Variants in OTULIN observed in about 807,000 individuals in gnomAD.
OTULIN encodes ubiquitin thioesterase otulin.
Under a neutral mutation model 39.6 loss-of-function variants are expected in OTULIN, and 15 were observed. The ratio of observed to expected loss-of-function variants is 0.38; its 90% CI spans 0.25 to 0.58. The LOEUF is 0.58. Ranked by LOEUF, OTULIN falls within the 20% of genes least tolerant of loss-of-function variation. The pLI, the probability that OTULIN is intolerant of heterozygous loss-of-function variation, is 0.66. For missense variants in OTULIN, 319 were observed against 445.9 expected, an observed-to-expected ratio of 0.72 and a Z score of 2.56; for synonymous variants, 156 against 170.3, an observed-to-expected ratio of 0.92 and a Z score of 0.65.
chr5:14,690,396 T>C lies in OTULIN; in HGVS notation c.864+88T>C. The stretch of plus-strand genomic sequence containing the variant: ...TGTCACAGTTTTTGTAGGTCAGAAA[T>C]TCAGGGACAGCTTAGTTGGATGGTT... On this transcript the variant is annotated intron_variant, in intron 6 of 6. Coordinates refer to ENST00000284274, the MANE Select transcript of OTULIN (RefSeq NM_138348.6). This position sits in a 1 kb window ranked among gnomAD's most constrained non-coding sequence, Gnocchi z 4.5. 2.7e-6 allele frequency: 4 copies of C among 1,482,370 alleles called. No individual in the cohort carries two copies. The South Asian group carries it at 4.1e-5, about 15-fold the overall frequency. 91.8% of individuals were successfully genotyped at this position (1,482,370 alleles called of 1,614,324 possible).
At chr5:14,665,102 T>G in intron 1 of OTULIN, 125 bp downstream of exon 1, 1 of 795,522 alleles carries the variant, frequency 1.3e-6, no homozygotes, top group Non-Finnish European at 1.5e-6. Flanking sequence ...GTGAGGCCGT[T>G]GGCGACAAGG....
chr5:14,664,950 G>T lies in OTULIN; in HGVS notation c.125G>T (p.Arg42Leu). ...AAGGCGGCGGCCAGCGGGCAGCCGC[G>T]GCCCGAGATGCAGTGCCCGGCCGAG... ...GGKAAASGQP[R>L]PEMQCPAEHE... The change falls in exon 1 of 7, where the codon CGG becomes CTG. Residue 42 changes from arginine (R) to leucine (L), a missense_variant. Coordinates refer to ENST00000284274, the MANE Select transcript of OTULIN (RefSeq NM_138348.6). 1 of 1,115,482 alleles carries T rather than the reference G, an allele frequency of 9.0e-7. No homozygotes were observed. Among genetic ancestry groups the T allele is most frequent in the African/African-American group, 1.6e-5 (1 of 60,778 alleles). The allele number at this position is 1,115,482 out of a possible 1,614,324, so 69.1% of individuals were successfully genotyped here. A position where few individuals can be genotyped will look rare whatever the true frequency, so the allele number is the denominator to read the frequency against.
chr5:14,681,668 T>C lies in OTULIN; in HGVS notation c.468+61T>C, dbSNP rs1047329342. Reference sequence around the variant, plus strand: ...TCAAACAATTTTTGTGAGAAAACTTTCCCTTTCTGTCCATGCTACCTTCTA... The same window carrying C: ...TCAAACAATTTTTGTGAGAAAACTTCCCCTTTCTGTCCATGCTACCTTCTA... On this transcript the variant is annotated intron_variant, in intron 4 of 6. Transcript: ENST00000284274. The C allele has an allele frequency of 3.3e-6, 5 of 1,525,614 alleles. No homozygotes were observed. In the African/African-American group the frequency reaches 4.1e-5, roughly 13 times the overall value. 94.5% of individuals were successfully genotyped at this position (1,525,614 alleles called of 1,614,324 possible). A position where few individuals can be genotyped will look rare whatever the true frequency, so the allele number is the denominator to read the frequency against.
Position 14,695,645 on chromosome 5 carries a change from C to G in OTULIN, c.*2597C>G, listed in dbSNP as rs1736646371. On this transcript the variant is annotated 3_prime_UTR_variant, in exon 7 of 7. Coordinates refer to ENST00000284274, the MANE Select transcript of OTULIN (RefSeq NM_138348.6). ...TGTATTATGCTTCATGGGATTAACA[C>G]TGCTTTTCCAGAACATTTTCAGATT... The G allele has an allele frequency of 1.3e-5, 2 of 152,200 alleles. No individual in the cohort carries two copies. Among genetic ancestry groups the G allele is most frequent in the Admixed American group, 1.3e-4 (2 of 15,284 alleles). The allele number at this position is 152,200 out of a possible 1,614,324, so 9.4% of individuals were successfully genotyped here. A position where few individuals can be genotyped will look rare whatever the true frequency, so the allele number is the denominator to read the frequency against.
intron 1 of OTULIN, among the ~76,000 whole-genome samples, chr5:14,666,858 T>G (rs1735860545): frequency 6.6e-6 from 1 of 152,206 alleles, no homozygotes; most frequent in Admixed American, 6.5e-5. Flanking sequence ...GGTATTTTCC[T>G]CACGGCCTAG....
chr5:14,689,979 T>C (rs1311772119), intron 5 of OTULIN, 60 bp from the exon 6 acceptor site: 17 of 1,547,096 alleles, frequency 1.1e-5, no homozygotes, highest in Non-Finnish European at 1.4e-5. Context: ...CATAGTATGG[T>C]ACTATACCAG....
In OTULIN at chr5:14,673,596, T is replaced by C. The variant is rs1476080747; in HGVS notation, c.153-46T>C. On this transcript the variant is annotated intron_variant, in intron 1 of 6. Coordinates refer to ENST00000284274, the MANE Select transcript of OTULIN (RefSeq NM_138348.6). ...CAGCTGTATAATAGGACGGAAAATG[T>C]CAGTGCAACAAGTGTTTGAAAATGT... is the stretch of plus-strand genomic sequence containing the variant. 3 of 1,567,904 alleles carry C rather than the reference T, an allele frequency of 1.9e-6. No homozygotes were observed. The South Asian group carries it at 3.4e-5, about 18-fold the overall frequency.
the OTULIN span, chr5:14,711,404 A>G: frequency 2.8e-6 from 3 of 1,082,764 alleles, no homozygotes; most frequent in East Asian, 2.4e-5. Context: ...GTCTTGGGGG[A>G]CCCCTCACTG....
chr5:14,712,871 C>T, the OTULIN span: 1 of 1,605,666 alleles, frequency 6.2e-7, no homozygotes, highest in Non-Finnish European at 8.5e-7. Context: ...GCGGCTGTCT[C>T]ACCTGCTTCC....
At chr5:14,692,805 G>A (rs1736564702) in intron 6 of OTULIN, 49 bp from the exon 7 acceptor site, 6 of 1,567,546 alleles carry the variant, frequency 3.8e-6, no homozygotes, top group African/African-American at 1.3e-5. Flanking sequence ...GTTAAGCCAC[G>A]TTTTTCAGTG....
At chr5:14,675,264 G>C (rs891370368) in intron 2 of OTULIN, among the ~76,000 whole-genome samples, 4 of 152,196 alleles carry the variant, frequency 2.6e-5, no homozygotes, top group African/African-American at 9.7e-5. Context: ...GAAGACCCTT[G>C]TCTGTGCTCT....
At chr5:14,700,215 A>C (rs1309573645), downstream of OTULIN, among the ~76,000 whole-genome samples, 1 of 152,224 alleles carries the variant, frequency 6.6e-6, no homozygotes, top group Non-Finnish European at 1.5e-5. Flanking sequence ...GGGTGGGAGC[A>C]GTAGGAAGGA....
downstream of OTULIN, among the ~76,000 whole-genome samples, chr5:14,701,425 A>C (rs552939465): frequency 1.3e-5 from 2 of 152,240 alleles, no homozygotes; most frequent in East Asian, 3.9e-4. Context: ...TGCCCTGTCA[A>C]ACTCGGGATT....
chr5:14,705,481 G>A, the OTULIN span: 1 of 152,206 alleles, frequency 6.6e-6, no homozygotes, highest in Non-Finnish European at 1.5e-5. Context: ...GCCAAGAAGC[G>A]TGAGTGATAT....
downstream of OTULIN, among the ~76,000 whole-genome samples, chr5:14,702,615 T>G (rs1191998547): frequency 1.3e-5 from 2 of 152,100 alleles, no homozygotes; most frequent in African/African-American, 4.8e-5. Context: ...GAGGAAACGC[T>G]TTTTACCTCA....
downstream of OTULIN, among the ~76,000 whole-genome samples, chr5:14,701,010 A>AGGAGGGAGCCAAGACAG (rs1182912880): frequency 6.6e-6 from 1 of 152,178 alleles, no homozygotes; most frequent in Non-Finnish European, 1.5e-5. Flanking sequence ...TTAGAACAGG[A>AGGAGGGAGCCAAGACAG]GGAGGGAGCC....
intron 1 of OTULIN, among the ~76,000 whole-genome samples, chr5:14,670,552 G>A (rs1735954402): frequency 1.3e-5 from 2 of 152,082 alleles, no homozygotes; most frequent in African/African-American, 2.4e-5. Context: ...TATTGATTGC[G>A]CTTCATTGCT....
chr5:14,712,046 C>T, the OTULIN span, among the ~76,000 whole-genome samples: 1 of 152,218 alleles, frequency 6.6e-6, no homozygotes, highest in African/African-American at 2.4e-5. Context: ...ACATGACATG[C>T]TCAGTAATGA....
At chr5:14,687,156 T>G (rs1310443857) in intron 4 of OTULIN, among the ~76,000 whole-genome samples, 2 of 152,030 alleles carry the variant, frequency 1.3e-5, no homozygotes, top group Non-Finnish European at 1.5e-5. Flanking sequence ...GAGCCATGTG[T>G]TAGGTGGTGG....
Sources: allele counts gnomAD v4.1 joint callset (sites outside exome capture counted in the v4.1 genomes callset), GRCh38; gene constraint gnomAD v4.1.1; non-coding constraint Gnocchi (gnomAD v3.1); transcripts MANE v1.5; gene names NCBI Gene and HGNC (gene_info 2026-07-23, HGNC 2026-07-21).